Variants in ABCA12 observed in about 807,000 individuals in gnomAD.
ABCA12 encodes the protein glucosylceramide transporter ABCA12.
Under a neutral mutation model 293.5 loss-of-function variants are expected in ABCA12, and 156 were observed. That is an observed-to-expected ratio of 0.53 (90% confidence interval 0.47 to 0.61). The LOEUF is 0.61. Ranked by LOEUF, ABCA12 falls within the 20% of genes least tolerant of loss-of-function variation. The probability of loss-of-function intolerance (pLI) is 0.00; values close to 1 mark genes in which losing one functional copy is unlikely to be tolerated. For synonymous variants in ABCA12, 1,063 were observed against 1,108.0 expected, an observed-to-expected ratio of 0.96 and a Z score of 0.81; for missense variants, 2,797 against 3,090.2, an observed-to-expected ratio of 0.91 and a Z score of 2.25.
At chr2:215,098,160 T>C (rs1253878922) in intron 2 of ABCA12, among the ~76,000 whole-genome samples, 1 of 152,188 alleles carries the variant, frequency 6.6e-6, no homozygotes, top group Non-Finnish European at 1.5e-5. Flanking sequence ...CCTAATTCAT[T>C]TGTTTCTCTT....
intron 7 of ABCA12, among the ~76,000 whole-genome samples, chr2:215,045,098 A>G (rs6724130): frequency 0.14 from 21,951 of 152,162 alleles, 4,780 homozygotes; most frequent in African/African-American, 0.47. Context: ...TTGGTAACAC[A>G]TCTAGCATGT....
At chr2:214,981,701 T>G (rs1699659067) in intron 30 of ABCA12, among the ~76,000 whole-genome samples, 1 of 150,584 alleles carries the variant, frequency 6.6e-6, no homozygotes, top group Non-Finnish European at 1.5e-5. Flanking sequence ...ATGATGTATC[T>G]ATACAAATAA....
intron 23 of ABCA12, 44 bp from the exon 24 acceptor site, chr2:214,991,075 T>G (rs1252652085): frequency 6.4e-7 from 1 of 1,555,320 alleles, no homozygotes; most frequent in East Asian, 2.2e-5. Context: ...GCTGATATTC[T>G]TCCAAATAAA....
intron 11 of ABCA12, chr2:215,025,325 T>G (rs937516949): frequency 8.2e-6 from 2 of 242,830 alleles, no homozygotes; most frequent in Non-Finnish European, 1.6e-5. Context: ...AAAGACAGGG[T>G]CTCACACTGT....
chr2:215,121,398 T>C (rs369495444), intron 1 of ABCA12, among the ~76,000 whole-genome samples: 221 of 152,318 alleles, frequency 1.5e-3, no homozygotes, highest in Non-Finnish European at 2.2e-3. Flanking sequence ...CAAACTTCCA[T>C]ATATAAAGTA....
intron 45 of ABCA12, among the ~76,000 whole-genome samples, chr2:214,950,433 T>C (rs1698728507): frequency 6.6e-6 from 1 of 151,286 alleles, no homozygotes; most frequent in African/African-American, 2.4e-5. Context: ...TATATATGCA[T>C]GTGTGTATAT....
At chr2:215,004,423 C>A (rs1700211349) in intron 19 of ABCA12, 124 bp from the exon 20 acceptor site, 4 of 698,434 alleles carry the variant, frequency 5.7e-6, no homozygotes, top group African/African-American at 1.8e-5. Context: ...CACTGTCTTG[C>A]AAAGGCTCAC....
chr2:215,095,749 ACCGG>A (rs150614539), intron 2 of ABCA12, among the ~76,000 whole-genome samples: 8,350 of 152,168 alleles, frequency 0.055, 732 homozygotes, highest in African/African-American at 0.19. Flanking sequence ...AGTGAAAATG[ACCGG>A]TTCCTGCCTT....
intron 2 of ABCA12, among the ~76,000 whole-genome samples, chr2:215,076,302 G>C (rs1415998719): frequency 6.6e-6 from 1 of 152,136 alleles, no homozygotes; most frequent in Non-Finnish European, 1.5e-5. Flanking sequence ...TCTCATTAAG[G>C]GGAAAAATAG....
At chr2:215,104,872 C>A (rs1212613087) in intron 2 of ABCA12, among the ~76,000 whole-genome samples, 1 of 152,154 alleles carries the variant, frequency 6.6e-6, no homozygotes, top group Admixed American at 6.5e-5. Flanking sequence ...CATTTTCTTT[C>A]CCCCATATGG....
chr2:215,086,127 A>G (rs1702033307), intron 2 of ABCA12, among the ~76,000 whole-genome samples: 1 of 152,224 alleles, frequency 6.6e-6, no homozygotes, highest in Non-Finnish European at 1.5e-5. Context: ...TGGAGTGGGG[A>G]TGGCAAACCA....
intron 7 of ABCA12, among the ~76,000 whole-genome samples, chr2:215,044,755 T>C (rs1239640122): frequency 6.6e-6 from 1 of 152,188 alleles, no homozygotes; most frequent in Admixed American, 6.5e-5. Flanking sequence ...GGGAATCCAT[T>C]GTCTCCAGCT....
At chr2:215,107,685 T>C (rs987966299) in intron 2 of ABCA12, among the ~76,000 whole-genome samples, 2 of 152,184 alleles carry the variant, frequency 1.3e-5, no homozygotes, top group Non-Finnish European at 2.9e-5. Flanking sequence ...AAAAAGACTA[T>C]GAAGGGAATC....
intron 9 of ABCA12, among the ~76,000 whole-genome samples, chr2:215,029,662 T>C (rs1157612794): frequency 6.6e-6 from 1 of 152,184 alleles, no homozygotes; most frequent in African/African-American, 2.4e-5. Flanking sequence ...ATTACAAAAA[T>C]TTCTGAGAAT....
intron 2 of ABCA12, among the ~76,000 whole-genome samples, chr2:215,097,390 G>T (rs1460914950): frequency 6.6e-6 from 1 of 151,854 alleles, no homozygotes; most frequent in Admixed American, 6.6e-5. Context: ...ACTTGATTAT[G>T]TAATAGATTG....
intron 18 of ABCA12, among the ~76,000 whole-genome samples, chr2:215,009,225 T>G (rs1200827475): frequency 6.6e-6 from 1 of 151,826 alleles, no homozygotes; most frequent in African/African-American, 2.4e-5. Context: ...AACACAGGAA[T>G]AGAAAACCAA....
chr2:214,982,370 T>C lies in ABCA12; in HGVS notation c.4396A>G (p.Thr1466Ala), dbSNP rs1699687724. Residue 1466 changes from threonine (T) to alanine (A), a missense_variant, in exon 30 of 53, where the codon ACT becomes GCT. Transcript: ENST00000272895. ...TTATGACGATGGCTATATAGTCCAG[T>C]ATCTTTTAAAGTCCTTCAAAAATAA... is the stretch of plus-strand genomic sequence containing the variant. ...HEEVKRTLKD[T>A]GLYSHRHKRV... is the part of the protein sequence containing the mutation. 2 of 1,613,886 alleles carry C rather than the reference T, an allele frequency of 1.2e-6. No homozygotes were observed. Among genetic ancestry groups the C allele is most frequent in the African/African-American group, 1.3e-5 (1 of 75,042 alleles).
Position 215,089,196 on chromosome 2 carries a change from TA to T in ABCA12, c.163+22400del, listed in dbSNP as rs201000777. On this transcript the variant is annotated intron_variant, in intron 2 of 52. Transcript: ENST00000272895. The stretch of plus-strand genomic sequence containing the variant: ...TTTAGCTATGGCTCAAGTTTTGCTT[TA>T]TTTTTTTTTCCCAGGCCTTATTTAT... Among the ~76,000 whole-genome samples, 497 of 149,146 alleles carry T rather than the reference TA, an allele frequency of 3.3e-3. 1 individual carries two copies. Among genetic ancestry groups the T allele is most frequent in the Admixed American group, 4.1e-3 (61 of 14,960 alleles).
chr2:214,979,411 C>T (rs182154723), intron 31 of ABCA12, among the ~76,000 whole-genome samples: 26 of 152,250 alleles, frequency 1.7e-4, no homozygotes, highest in Admixed American at 1.4e-3. Flanking sequence ...ACTCTCAGCT[C>T]AACTGTCACT....
Sources: gnomAD v4.1 joint callset for allele counts (sites outside exome capture counted in the v4.1 genomes callset) on GRCh38, gnomAD v4.1.1 for gene constraint, MANE v1.5 for transcripts, NCBI Gene and HGNC (gene_info 2026-07-23, HGNC 2026-07-21) for gene names.